CPHXL2: variants seen among roughly 807,000 people sequenced by gnomAD.
CPHXL2 encodes the protein cytoplasmic polyadenylated homeobox like 2.
At chr16:75,669,176 T>C in the CPHXL2 span, among the ~76,000 whole-genome samples, 7 of 151,786 alleles carry the variant, frequency 4.6e-5, no homozygotes, top group Admixed American at 3.9e-4. Context: ...CCCAGTGTGG[T>C]GGTGGGAGCT....
the CPHXL2 span, among the ~76,000 whole-genome samples, chr16:75,664,327 T>A: frequency 6.6e-6 from 1 of 152,290 alleles, no homozygotes; most frequent in Admixed American, 6.5e-5. Flanking sequence ...ACTTTTGTTT[T>A]ATAAAACTGT....
the CPHXL2 span, among the ~76,000 whole-genome samples, chr16:75,669,826 A>G: frequency 1.6e-4 from 25 of 152,312 alleles, no homozygotes; most frequent in South Asian, 4.6e-3. Flanking sequence ...TGTCTTGTCT[A>G]TGGCCGTTTT....
chr16:75,664,290 C>G, the CPHXL2 span, among the ~76,000 whole-genome samples: 1 of 152,198 alleles, frequency 6.6e-6, no homozygotes, highest in African/African-American at 2.4e-5. Flanking sequence ...ACAAAACTTT[C>G]TAAATTGATT....
At chr16:75,663,254 A>C in the CPHXL2 span, among the ~76,000 whole-genome samples, 1 of 152,244 alleles carries the variant, frequency 6.6e-6, no homozygotes, top group Non-Finnish European at 1.5e-5. Context: ...TCTTTGATCC[A>C]CACACAGGAT....
the CPHXL2 span, chr16:75,669,432 G>A: frequency 1.5e-5 from 6 of 400,638 alleles, no homozygotes; most frequent in East Asian, 7.1e-5. Flanking sequence ...CAGGATAACC[G>A]TTCTCTCCAA....
the CPHXL2 span, among the ~76,000 whole-genome samples, chr16:75,665,910 A>C: frequency 6.6e-6 from 1 of 152,148 alleles, no homozygotes; most frequent in South Asian, 2.1e-4. Flanking sequence ...TAGCACAATG[A>C]ATGGAATAGT....
the CPHXL2 span, among the ~76,000 whole-genome samples, chr16:75,666,622 A>T: frequency 6.6e-6 from 1 of 151,842 alleles, no homozygotes; most frequent in Non-Finnish European, 1.5e-5. Flanking sequence ...AAAAAAAAAA[A>T]AAAAAAAAAA....
the CPHXL2 span, among the ~76,000 whole-genome samples, chr16:75,664,459 T>C: frequency 2.6e-5 from 4 of 151,918 alleles, no homozygotes; most frequent in South Asian, 8.3e-4. Context: ...AACCCCGTAT[T>C]TACTAAAAGT....
the CPHXL2 span, among the ~76,000 whole-genome samples, chr16:75,673,075 C>CAAAAAAAA: frequency 2.7e-5 from 2 of 73,172 alleles, no homozygotes; most frequent in African/African-American, 5.5e-5. Flanking sequence ...GACCTTGTCT[C>CAAAAAAAA]AAAAAAAAAA....
chr16:75,663,885 C>CAAAAAAAAAAAAA, the CPHXL2 span, among the ~76,000 whole-genome samples: 1 of 85,512 alleles, frequency 1.2e-5, no homozygotes, highest in African/African-American at 4.6e-5. Context: ...GACTCTGTCT[C>CAAAAAAAAAAAAA]AAAAAAAAAA....
At chr16:75,661,710 G>T in the CPHXL2 span, among the ~76,000 whole-genome samples, 1 of 151,968 alleles carries the variant, frequency 6.6e-6, no homozygotes, top group South Asian at 2.1e-4. Context: ...TACCATTTCT[G>T]TTGCATATAT....
the CPHXL2 span, chr16:75,676,956 A>G: frequency 3.0e-4 from 120 of 398,410 alleles, no homozygotes; most frequent in East Asian, 4.3e-3. Context: ...TCACAACAAA[A>G]CACATTGAGT....
chr16:75,671,875 A>AG, the CPHXL2 span, among the ~76,000 whole-genome samples: 1 of 152,146 alleles, frequency 6.6e-6, no homozygotes, highest in Non-Finnish European at 1.5e-5. Context: ...AATCCAAATC[A>AG]GGGGGGCTTG....
the CPHXL2 span, among the ~76,000 whole-genome samples, chr16:75,672,933 T>C: frequency 6.6e-6 from 1 of 151,506 alleles, no homozygotes; most frequent in Non-Finnish European, 1.5e-5. Context: ...AAAAACAAAT[T>C]AGCATGTGTG....
chr16:75,663,029 T>A, the CPHXL2 span, among the ~76,000 whole-genome samples: 12 of 152,186 alleles, frequency 7.9e-5, no homozygotes, highest in African/African-American at 2.9e-4. Context: ...CTCGATCTCC[T>A]GACCTCATGA....
chr16:75,666,928 C>T, the CPHXL2 span, among the ~76,000 whole-genome samples: 1 of 152,174 alleles, frequency 6.6e-6, no homozygotes, highest in African/African-American at 2.4e-5. Context: ...CCAAAAGGAA[C>T]CTTCAAAACC....
chr16:75,665,634 G>A, the CPHXL2 span, among the ~76,000 whole-genome samples: 1 of 152,108 alleles, frequency 6.6e-6, no homozygotes, highest in African/African-American at 2.4e-5. Context: ...AGGCTGAGGC[G>A]GGTGGATCAC....
the CPHXL2 span, among the ~76,000 whole-genome samples, chr16:75,662,334 T>C: frequency 7.0e-6 from 1 of 143,190 alleles, no homozygotes; most frequent in Non-Finnish European, 1.5e-5. Flanking sequence ...TTCTTTCTTT[T>C]CTTTTTTTTT....
At chr16:75,661,433 G>A in the CPHXL2 span, among the ~76,000 whole-genome samples, 3 of 151,948 alleles carry the variant, frequency 2.0e-5, no homozygotes, top group African/African-American at 4.8e-5. Flanking sequence ...ATATGATACC[G>A]GAGGTCATGC....
Sources: gnomAD v4.1 joint callset for allele counts (sites outside exome capture counted in the v4.1 genomes callset) on GRCh38, gnomAD v4.1.1 for gene constraint, MANE v1.5 for transcripts, NCBI Gene and HGNC (gene_info 2026-07-23, HGNC 2026-07-21) for gene names.